AGBL4: variants seen among roughly 807,000 people sequenced by gnomAD.
The protein encoded by AGBL4 is AGBL carboxypeptidase 4, also known as cytosolic carboxypeptidase 6.
In AGBL4, 58 loss-of-function variants were observed where a neutral mutation model predicts 66.4. The observed-to-expected ratio is 0.87, with a 90% CI of 0.71 to 1.09. AGBL4 has a LOEUF of 1.09. Ranked by LOEUF, AGBL4 falls within the 50% of genes least tolerant of loss-of-function variation. AGBL4 has a pLI of 0.00. For missense variants in AGBL4, 579 were observed against 631.0 expected, an observed-to-expected ratio of 0.92 and a Z score of 0.88; for synonymous variants, 234 against 222.9, an observed-to-expected ratio of 1.05 and a Z score of -0.44.
At chr1:48,532,350 A>T (rs945557479), downstream of AGBL4, among the ~76,000 whole-genome samples, 2 of 152,250 alleles carry the variant, frequency 1.3e-5, no homozygotes, top group African/African-American at 2.4e-5. Flanking sequence ...AAGATCACAC[A>T]GTTTTATTAA....
intron 2 of AGBL4, among the ~76,000 whole-genome samples, chr1:49,850,663 T>G (rs1176685319): frequency 1.3e-5 from 2 of 152,142 alleles, no homozygotes; most frequent in African/African-American, 4.8e-5. Flanking sequence ...ATAACTGATA[T>G]TGGTATGTCC....
At chr1:48,861,999 C>G (rs1232360682) in intron 6 of AGBL4, among the ~76,000 whole-genome samples, 2 of 152,308 alleles carry the variant, frequency 1.3e-5, no homozygotes. Context: ...TTTACCACCC[C>G]TTCACCAGAC....
chr1:49,889,748 C>T lies in AGBL4; in HGVS notation c.35-38230G>A, dbSNP rs568130289. ...CTCCAGCCTAGGTGACACAGTGAGGCTCCATCTCAAAAAAAAAAAGAAATA... is the reference window on the plus strand; with the variant it reads ...CTCCAGCCTAGGTGACACAGTGAGGTTCCATCTCAAAAAAAAAAAGAAATA... On this transcript the variant is annotated intron_variant, in intron 1 of 13. Coordinates refer to ENST00000371839, the MANE Select transcript of AGBL4 (RefSeq NM_032785.4). 2.0e-4 allele frequency among the ~76,000 whole-genome samples: 30 copies of T among 151,706 alleles called. 1 individual carries two copies. In the South Asian group the frequency reaches 6.0e-3, roughly 31 times the overall value.
At chr1:49,935,344 G>T (rs1571903943) in intron 1 of AGBL4, among the ~76,000 whole-genome samples, 1 of 152,232 alleles carries the variant, frequency 6.6e-6, no homozygotes, top group Non-Finnish European at 1.5e-5. Flanking sequence ...CTCGAACTGG[G>T]TGGAGCCCAC....
At chr1:49,764,965 A>G (rs1440670565) in intron 2 of AGBL4, among the ~76,000 whole-genome samples, 1 of 152,156 alleles carries the variant, frequency 6.6e-6, no homozygotes, top group Non-Finnish European at 1.5e-5. Context: ...GTTTGAGCCT[A>G]TATAGGATGC....
chr1:48,631,741 GA>G (rs1645597413), intron 9 of AGBL4, among the ~76,000 whole-genome samples: 1 of 152,082 alleles, frequency 6.6e-6, no homozygotes, highest in Admixed American at 6.6e-5. Flanking sequence ...ATCCAAATCA[GA>G]ACAATTTCGG....
intron 3 of AGBL4, among the ~76,000 whole-genome samples, chr1:49,535,347 AATAAT>A (rs1651489700): frequency 6.8e-6 from 1 of 146,292 alleles, no homozygotes; most frequent in Middle Eastern, 3.6e-3. Context: ...AATATGACAT[AATAAT>A]ATGTTATATT....
chr1:49,020,980 T>C lies in AGBL4; in HGVS notation c.594+24604A>G, dbSNP rs555535335. Among the ~76,000 whole-genome samples, 4 of 152,280 alleles carry C rather than the reference T, an allele frequency of 2.6e-5. No individual in the cohort carries two copies. In the East Asian group the frequency reaches 7.7e-4, roughly 29 times the overall value. ...AAAATGGAGGCAGGTTAGATTCTGA[T>C]GCAAGTCTGAGAGAAGACAAACTAG... On this transcript the variant is annotated intron_variant, in intron 5 of 13. Coordinates refer to ENST00000371839, the MANE Select transcript of AGBL4 (RefSeq NM_032785.4).
Position 48,931,307 on chromosome 1 carries a change from A to G in AGBL4, c.595-64077T>C, listed in dbSNP as rs1313526981. ...ACATGACAGGATTGGGAGCTAGACA[A>G]ATTCTTTCAGCCATAAAAATGACAG... On this transcript the variant is annotated intron_variant, in intron 5 of 13. Coordinates refer to ENST00000371839, the MANE Select transcript of AGBL4 (RefSeq NM_032785.4). 3.9e-5 allele frequency among the ~76,000 whole-genome samples: 6 copies of G among 152,274 alleles called. No individual in the cohort carries two copies. The East Asian group carries it at 1.2e-3, about 29-fold the overall frequency.
chr1:48,723,459 A>G (rs1227195066), intron 6 of AGBL4, among the ~76,000 whole-genome samples: 4 of 152,294 alleles, frequency 2.6e-5, no homozygotes, highest in Middle Eastern at 3.4e-3. Context: ...GAGCCTATGA[A>G]GCTGCCTGGC....
chr1:49,263,160 T>TG (rs1653385511), intron 3 of AGBL4, among the ~76,000 whole-genome samples: 1 of 123,646 alleles, frequency 8.1e-6, no homozygotes, highest in African/African-American at 3.2e-5. Flanking sequence ...TGTTGTGGGG[T>TG]GGGGGGAGTG....
chr1:49,760,004 G>T (rs1261803156), intron 2 of AGBL4, among the ~76,000 whole-genome samples: 1 of 152,088 alleles, frequency 6.6e-6, no homozygotes, highest in Non-Finnish European at 1.5e-5. Flanking sequence ...GTTTTATGGG[G>T]GTTGTGAAAA....
chr1:48,857,788 T>C (rs1270799964), intron 6 of AGBL4, among the ~76,000 whole-genome samples: 1 of 151,938 alleles, frequency 6.6e-6, no homozygotes, highest in Admixed American at 6.6e-5. Flanking sequence ...TTCTTAGATA[T>C]GATATAAAAA....
chr1:49,349,537 C>T (rs1570492543), intron 3 of AGBL4, among the ~76,000 whole-genome samples: 1 of 152,150 alleles, frequency 6.6e-6, no homozygotes, highest in African/African-American at 2.4e-5. Context: ...CAGCTTCCTC[C>T]TTCCAAGAGG....
chr1:49,106,502 G>A (rs1379852943), intron 4 of AGBL4, among the ~76,000 whole-genome samples: 1 of 152,114 alleles, frequency 6.6e-6, no homozygotes, highest in Non-Finnish European at 1.5e-5. Flanking sequence ...CCTTGGAAAT[G>A]GGCCTAGTGA....
intron 3 of AGBL4, among the ~76,000 whole-genome samples, chr1:49,352,057 C>T (rs1318138388): frequency 6.6e-6 from 1 of 152,196 alleles, no homozygotes; most frequent in African/African-American, 2.4e-5. Context: ...ACCTCTGCAT[C>T]AAATGTAGTT....
chr1:48,574,346 C>T (rs1043303597), intron 11 of AGBL4, among the ~76,000 whole-genome samples: 12 of 151,960 alleles, frequency 7.9e-5, no homozygotes, highest in Non-Finnish European at 2.9e-5. Flanking sequence ...CCTTGAATTC[C>T]TTGTTTGTAA....
At position 48,730,848 on chromosome 1, in the gene AGBL4, G is replaced by T. The variant is rs371476950; in HGVS notation, c.635-67607C>A. ...AAATTAACCGGAACGCAATGCTGAG[G>T]CTCATTTAGAAAACTCAGACACTCC... On this transcript the variant is annotated intron_variant, in intron 6 of 13. Transcript: ENST00000371839. 2.5e-4 allele frequency among the ~76,000 whole-genome samples: 38 copies of T among 152,248 alleles called. 2 individuals are homozygous for T. The East Asian group carries it at 3.9e-3, about 15-fold the overall frequency.
chr1:49,386,911 A>G (rs1644747585), intron 3 of AGBL4, among the ~76,000 whole-genome samples: 1 of 151,970 alleles, frequency 6.6e-6, no homozygotes, highest in African/African-American at 2.4e-5. Context: ...TAACTACAAA[A>G]TGAAGGTAAT....
Sources: gnomAD v4.1 joint callset for allele counts (sites outside exome capture counted in the v4.1 genomes callset) on GRCh38, gnomAD v4.1.1 for gene constraint, MANE v1.5 for transcripts, NCBI Gene and HGNC (gene_info 2026-07-23, HGNC 2026-07-21) for gene names.